LRTM3: variants seen among roughly 807,000 people sequenced by gnomAD.
The protein encoded by LRTM3 is leucine rich repeat transmembrane protein 3, also known as leucine-rich repeat transmembrane protein 3.
the LRTM3 span, among the ~76,000 whole-genome samples, chr13:102,750,880 A>T: frequency 2.2e-3 from 338 of 152,284 alleles, 1 homozygote; most frequent in South Asian, 5.0e-3. Context: ...GTCTCAGTAC[A>T]ATTTTGGGCC....
the LRTM3 span, chr13:102,745,846 AG>A: frequency 6.4e-7 from 1 of 1,551,238 alleles, no homozygotes; most frequent in Non-Finnish European, 8.7e-7. Flanking sequence ...GATCCAGTGT[AG>A]GGCATGAAGT....
At chr13:102,735,388 T>C in the LRTM3 span, 6 of 1,551,284 alleles carry the variant, frequency 3.9e-6, no homozygotes, top group Admixed American at 1.2e-4. Flanking sequence ...ACCGTGACTG[T>C]GGGAGAGACA....
At chr13:102,755,795 A>C in the LRTM3 span, among the ~76,000 whole-genome samples, 1 of 151,578 alleles carries the variant, frequency 6.6e-6, no homozygotes, top group African/African-American at 2.4e-5. Flanking sequence ...TAAAAAATTA[A>C]ATGAAATAAA....
the LRTM3 span, among the ~76,000 whole-genome samples, chr13:102,752,738 C>T: frequency 3.3e-5 from 5 of 152,062 alleles, no homozygotes; most frequent in Non-Finnish European, 7.4e-5. Flanking sequence ...AAGTCCTAAC[C>T]GTAGTACCTC....
At chr13:102,748,205 A>G in the LRTM3 span, 26 of 1,551,150 alleles carry the variant, frequency 1.7e-5, no homozygotes, top group Non-Finnish European at 2.3e-5. Context: ...ATCTTGATGC[A>G]TATTTGTTAT....
the LRTM3 span, chr13:102,739,062 T>C: frequency 6.4e-7 from 1 of 1,550,592 alleles, no homozygotes; most frequent in Non-Finnish European, 8.7e-7. Flanking sequence ...CAGAATCTTG[T>C]TATTCCTCTC....
At chr13:102,759,037 A>G in the LRTM3 span, 2 of 667,520 alleles carry the variant, frequency 3.0e-6, no homozygotes, top group Non-Finnish European at 5.0e-6. Context: ...ACCATGTGCA[A>G]CATTTGGCCA....
chr13:102,738,976 G>T, the LRTM3 span: 8 of 1,550,256 alleles, frequency 5.2e-6, no homozygotes, highest in Non-Finnish European at 7.0e-6. Flanking sequence ...TTTCAATACT[G>T]CTTAAACTAT....
the LRTM3 span, chr13:102,758,407 T>C: frequency 6.6e-7 from 1 of 1,524,940 alleles, no homozygotes; most frequent in Non-Finnish European, 8.9e-7. Flanking sequence ...ATATATCACA[T>C]ACCTTTCTCC....
At chr13:102,736,870 T>C in the LRTM3 span, 1 of 1,551,110 alleles carries the variant, frequency 6.4e-7, no homozygotes, top group Non-Finnish European at 8.7e-7. Flanking sequence ...TATATTTTAA[T>C]TTCCCTGTAT....
the LRTM3 span, chr13:102,748,010 T>C: frequency 6.4e-7 from 1 of 1,550,968 alleles, no homozygotes; most frequent in Non-Finnish European, 8.7e-7. Context: ...ACAGCTCTTA[T>C]CAATGTATTC....
chr13:102,746,500 C>T, the LRTM3 span: 4 of 1,551,032 alleles, frequency 2.6e-6, no homozygotes, highest in Non-Finnish European at 3.5e-6. Context: ...TTTGGTTTAT[C>T]TTTTTAAACT....
chr13:102,743,091 ATG>A, the LRTM3 span: 1 of 1,550,348 alleles, frequency 6.5e-7, no homozygotes, highest in Non-Finnish European at 8.7e-7. Flanking sequence ...TTTCTAAGAT[ATG>A]TGTTTGCCAT....
At chr13:102,738,953 A>G in the LRTM3 span, 2 of 1,550,440 alleles carry the variant, frequency 1.3e-6, no homozygotes, top group Non-Finnish European at 1.7e-6. Context: ...TTTCTGCGGC[A>G]TATGTTTTGC....
At chr13:102,734,471 C>T in the LRTM3 span, 2 of 1,551,232 alleles carry the variant, frequency 1.3e-6, no homozygotes, top group South Asian at 1.2e-5. Context: ...TTCCTTTCGT[C>T]CTTGCCCTCC....
chr13:102,734,973 C>A, the LRTM3 span: 1 of 1,551,170 alleles, frequency 6.4e-7, no homozygotes, highest in Non-Finnish European at 8.7e-7. Context: ...CCCTCAGTAT[C>A]TGGTGATACC....
chr13:102,736,611 G>A, the LRTM3 span: 11 of 1,550,850 alleles, frequency 7.1e-6, no homozygotes, highest in Middle Eastern at 1.7e-4. Flanking sequence ...GTGACAAAAG[G>A]ACAAGTTTTG....
chr13:102,743,373 G>C, the LRTM3 span: 2 of 1,550,484 alleles, frequency 1.3e-6, no homozygotes, highest in Non-Finnish European at 1.7e-6. Context: ...GTTGTATTTG[G>C]AAATGTATCA....
chr13:102,732,666 G>A, the LRTM3 span: 3 of 1,551,116 alleles, frequency 1.9e-6, no homozygotes, highest in Non-Finnish European at 1.7e-6. Context: ...TTTAGAGATA[G>A]AAGATGCGGG....
Sources: gnomAD v4.1 joint callset for allele counts (sites outside exome capture counted in the v4.1 genomes callset) on GRCh38, gnomAD v4.1.1 for gene constraint, MANE v1.5 for transcripts, NCBI Gene and HGNC (gene_info 2026-07-23, HGNC 2026-07-21) for gene names.